Variants in LYN observed in about 807,000 individuals in gnomAD.
LYN encodes tyrosine-protein kinase Lyn.
Under a neutral mutation model 65.0 loss-of-function variants are expected in LYN, and 12 were observed. The observed-to-expected ratio is 0.18, with a 90% CI of 0.12 to 0.30. The LOEUF (loss-of-function observed/expected upper bound fraction) is 0.30, where lower values mean the gene tolerates loss of function less well. LYN is among the 10% of genes least tolerant of loss of function. LYN has a pLI of 1.00. For synonymous variants in LYN, 222 were observed against 221.2 expected (o/e 1.00, Z -0.03); for missense variants, 380 against 623.2 (o/e 0.61, Z 4.16).
chr8:55,994,365 C>A (rs992849410), intron 10 of LYN, among the ~76,000 whole-genome samples: 1 of 152,148 alleles, frequency 6.6e-6, no homozygotes, highest in African/African-American at 2.4e-5. Context: ...TGTTTGGAAT[C>A]TGAGCTCCTT....
At chr8:56,004,330 G>A (rs1426744383) in intron 12 of LYN, among the ~76,000 whole-genome samples, 1 of 138,062 alleles carries the variant, frequency 7.2e-6, no homozygotes, top group Admixed American at 7.8e-5. Context: ...GTCTCGCTCC[G>A]TCACCCAGGC....
At chr8:55,961,637 T>C (rs1221867048) in intron 8 of LYN, among the ~76,000 whole-genome samples, 23 of 152,216 alleles carry the variant, frequency 1.5e-4, no homozygotes, top group Admixed American at 1.4e-3. Context: ...GCGTTTTTTT[T>C]CCTTCGTCCT....
intron 1 of LYN, among the ~76,000 whole-genome samples, chr8:55,924,751 A>G (rs192112335): frequency 1.3e-5 from 2 of 152,180 alleles, no homozygotes; most frequent in Non-Finnish European, 2.9e-5. Flanking sequence ...GTGAGTTTAC[A>G]GTGACTCTCC....
At chr8:55,915,754 T>C (rs1805764118) in intron 1 of LYN, among the ~76,000 whole-genome samples, 1 of 150,972 alleles carries the variant, frequency 6.6e-6, no homozygotes, top group Admixed American at 6.6e-5. Context: ...TCCTTACATA[T>C]AAAACATATG....
In LYN at chr8:56,006,965, T is replaced by G. The variant is rs142915348; in HGVS notation, c.1337-2943T>G. Among the ~76,000 whole-genome samples, 329 of 152,328 alleles carry G rather than the reference T, an allele frequency of 2.2e-3. 3 individuals carry two copies. The East Asian group carries it at 0.033, about 15-fold the overall frequency. On this transcript the variant is annotated intron_variant, in intron 12 of 12. Coordinates refer to ENST00000519728, the MANE Select transcript of LYN (RefSeq NM_002350.4). ...TAGGCTTCAGATTCCCTTCTTCCAA[T>G]TCTTCTTATCAAGTCGAATTCCCCA...
chr8:55,909,032 C>CTGT (rs1805519622), intron 1 of LYN, among the ~76,000 whole-genome samples: 1 of 46,094 alleles, frequency 2.2e-5, no homozygotes, highest in African/African-American at 6.7e-5. Flanking sequence ...CACACACACA[C>CTGT]ACACACACAC....
chr8:56,012,033 T>A lies in LYN; in HGVS notation c.*1923T>A. On this transcript the variant is annotated 3_prime_UTR_variant, in exon 13 of 13. Transcript: ENST00000519728. ...AATTATTAAATTTATCTTCGCCTTGTTTTGCTTCTCCCAGTTCCTCCTCTT... is the reference window on the plus strand; with the variant it reads ...AATTATTAAATTTATCTTCGCCTTGATTTGCTTCTCCCAGTTCCTCCTCTT... The A allele has an allele frequency of 1.1e-5, 2 of 190,284 alleles. No homozygotes were observed. Among genetic ancestry groups the A allele is most frequent in the East Asian group, 1.7e-4 (2 of 11,994 alleles). The allele number at this position is 190,284 out of a possible 1,614,324, so 11.8% of individuals were successfully genotyped here. A position where few individuals can be genotyped will look rare whatever the true frequency, so the allele number is the denominator to read the frequency against.
intron 1 of LYN, among the ~76,000 whole-genome samples, chr8:55,919,742 TCCAAAAAG>T (rs1805888774): frequency 6.6e-6 from 1 of 152,070 alleles, no homozygotes; most frequent in Admixed American, 6.6e-5. Flanking sequence ...AGCTGGGGCA[TCCAAAAAG>T]CCACAACGGG....
intron 12 of LYN, among the ~76,000 whole-genome samples, chr8:56,000,204 G>GGA (rs1025065791): frequency 2.0e-5 from 3 of 152,122 alleles, no homozygotes; most frequent in Admixed American, 2.0e-4. Flanking sequence ...AAACCCACAT[G>GGA]GAGACAAGGA....
intron 1 of LYN, among the ~76,000 whole-genome samples, chr8:55,926,195 C>T (rs547062240): frequency 6.6e-6 from 1 of 152,216 alleles, no homozygotes; most frequent in African/African-American, 2.4e-5. Flanking sequence ...ATTTACCCCC[C>T]AGATCCAACC....
At chr8:55,907,274 T>C (rs984623894) in intron 1 of LYN, among the ~76,000 whole-genome samples, 15 of 152,228 alleles carry the variant, frequency 9.9e-5, no homozygotes, top group Admixed American at 8.5e-4. Context: ...GACACTGATA[T>C]ATTCAACACT....
intron 1 of LYN, among the ~76,000 whole-genome samples, chr8:55,928,792 A>AT (rs1806183716): frequency 6.6e-6 from 1 of 151,276 alleles, no homozygotes; most frequent in African/African-American, 2.4e-5. Flanking sequence ...TTCATGGATC[A>AT]TTTTTTCTTT....
At chr8:55,910,204 G>A (rs1028851839) in intron 1 of LYN, among the ~76,000 whole-genome samples, 1 of 152,092 alleles carries the variant, frequency 6.6e-6, no homozygotes, top group Non-Finnish European at 1.5e-5. Flanking sequence ...TGAGGTCTTA[G>A]TCATGAATTC....
At chr8:55,925,008 A>G (rs886715031) in intron 1 of LYN, among the ~76,000 whole-genome samples, 1 of 151,978 alleles carries the variant, frequency 6.6e-6, no homozygotes, top group African/African-American at 2.4e-5. Context: ...CACCTGGCTA[A>G]TTTTTATATT....
chr8:55,936,545 C>T (rs763001972), intron 1 of LYN, among the ~76,000 whole-genome samples: 7 of 152,126 alleles, frequency 4.6e-5, no homozygotes, highest in Non-Finnish European at 1.0e-4. Context: ...GAGGCTGAGG[C>T]AGAAGAATTG....
intron 4 of LYN, among the ~76,000 whole-genome samples, chr8:55,949,128 G>A (rs894021152): frequency 6.6e-6 from 1 of 152,146 alleles, no homozygotes; most frequent in African/African-American, 2.4e-5. Context: ...CACTTGCTTG[G>A]AATTGTCTTA....
intron 1 of LYN, among the ~76,000 whole-genome samples, chr8:55,918,258 A>C (rs948910008): frequency 6.6e-6 from 1 of 152,124 alleles, no homozygotes; most frequent in African/African-American, 2.4e-5. Flanking sequence ...TCTGAGACAG[A>C]CCACCCCATT....
intron 12 of LYN, among the ~76,000 whole-genome samples, chr8:56,003,641 T>G (rs1026945930): frequency 6.7e-6 from 1 of 148,660 alleles, no homozygotes; most frequent in Non-Finnish European, 1.5e-5. Context: ...GCCACTGCAC[T>G]CCAGCCTGAG....
At chr8:55,980,595 A>C (rs1465727842) in intron 10 of LYN, 1 of 152,230 alleles carries the variant, frequency 6.6e-6, no homozygotes, top group Non-Finnish European at 1.5e-5. Context: ...CAAGGTATAC[A>C]GTCAAATTTG....
Sources: gnomAD v4.1 joint callset for allele counts (sites outside exome capture counted in the v4.1 genomes callset) on GRCh38, gnomAD v4.1.1 for gene constraint, MANE v1.5 for transcripts, NCBI Gene and HGNC (gene_info 2026-07-23, HGNC 2026-07-21) for gene names.